Variants in FGGY observed in about 807,000 individuals in gnomAD.
FGGY encodes the protein FGGY carbohydrate kinase domain-containing protein.
FGGY carries 72 observed loss-of-function variants against 71.3 expected under a neutral mutation model. The observed-to-expected ratio is 1.01, with a 90% confidence interval of 0.84 to 1.23. FGGY has a LOEUF of 1.23. Among genes scored for constraint, FGGY ranks in the 50% most tolerant of loss-of-function variants. FGGY has a pLI of 0.00. For synonymous variants in FGGY, 251 were observed against 250.3 expected, an observed-to-expected ratio of 1.00 and a Z score of -0.02; for missense variants, 668 against 682.3, an observed-to-expected ratio of 0.98 and a Z score of 0.23.
chr1:59,607,291 G>A (rs2096632843), intron 8 of FGGY, among the ~76,000 whole-genome samples: 1 of 152,194 alleles, frequency 6.6e-6, no homozygotes, highest in Non-Finnish European at 1.5e-5. Context: ...TGTAGGGCAT[G>A]GTCTTGTGGC....
rs137903936 is a variant in FGGY at position 59,596,225 on chromosome 1, C to T, written c.904-11578C>T. Among the ~76,000 whole-genome samples, 1,500 of 151,518 alleles carry T rather than the reference C, an allele frequency of 9.9e-3. 11 individuals carry two copies. Among genetic ancestry groups the T allele is most frequent in the Non-Finnish European group, 0.017 (1,144 of 67,906 alleles). ...TTTTTTTAACATGAGGCTCACTTAA[C>T]ATTTTTAGAAAATGTTGAATATGGA... On this transcript the variant is annotated intron_variant, in intron 8 of 15. Coordinates refer to ENST00000303721, the MANE Select transcript of FGGY (RefSeq NM_018291.5).
intron 9 of FGGY, among the ~76,000 whole-genome samples, chr1:59,617,903 A>G (rs577284899): frequency 1.6e-4 from 25 of 152,238 alleles, no homozygotes; most frequent in African/African-American, 5.8e-4. Context: ...GTGAGTGTCT[A>G]TCTGCCTCCT....
intron 9 of FGGY, among the ~76,000 whole-genome samples, chr1:59,615,766 C>T (rs2096745766): frequency 6.6e-6 from 1 of 152,160 alleles, no homozygotes; most frequent in Non-Finnish European, 1.5e-5. Context: ...GGGCTAATAT[C>T]CAGAATCTAC....
At chr1:59,711,238 C>T (rs2097791680) in intron 14 of FGGY, among the ~76,000 whole-genome samples, 1 of 151,952 alleles carries the variant, frequency 6.6e-6, no homozygotes, top group African/African-American at 2.4e-5. Flanking sequence ...GGTAGTTGAA[C>T]AATGAGAACA....
intron 8 of FGGY, among the ~76,000 whole-genome samples, chr1:59,584,631 A>G (rs930652090): frequency 1.3e-5 from 2 of 150,038 alleles, no homozygotes; most frequent in Non-Finnish European, 2.9e-5. Context: ...GCCCTCTCTC[A>G]CCACTGCTAT....
At chr1:59,581,360 C>A (rs2096191811) in intron 8 of FGGY, among the ~76,000 whole-genome samples, 1 of 150,208 alleles carries the variant, frequency 6.7e-6, no homozygotes, top group African/African-American at 2.5e-5. Flanking sequence ...AATTATCTCA[C>A]AACTTCTTCT....
intron 5 of FGGY, among the ~76,000 whole-genome samples, chr1:59,449,394 C>G (rs2072103377): frequency 6.6e-6 from 1 of 152,186 alleles, no homozygotes; most frequent in South Asian, 2.1e-4. Context: ...AGCAATTCTC[C>G]TGCCTCAGCC....
intron 9 of FGGY, among the ~76,000 whole-genome samples, chr1:59,613,269 G>A (rs977512369): frequency 8.5e-5 from 13 of 152,190 alleles, no homozygotes; most frequent in African/African-American, 2.7e-4. Flanking sequence ...CTCAGCAAAT[G>A]TAAAGGACAG....
chr1:59,455,709 TAA>T (rs2091619657), intron 5 of FGGY, among the ~76,000 whole-genome samples: 1 of 152,184 alleles, frequency 6.6e-6, no homozygotes, highest in African/African-American at 2.4e-5. Flanking sequence ...CCCAGCATGA[TAA>T]GGGCTATGGT....
intron 6 of FGGY, among the ~76,000 whole-genome samples, chr1:59,458,958 C>T (rs1436267835): frequency 1.3e-5 from 2 of 152,174 alleles, no homozygotes; most frequent in Non-Finnish European, 2.9e-5. Context: ...TCTCAGAAGC[C>T]TCCCTATGAA....
chr1:59,715,708 A>C (rs1573596613), intron 14 of FGGY, among the ~76,000 whole-genome samples: 1 of 152,182 alleles, frequency 6.6e-6, no homozygotes, highest in East Asian at 1.9e-4. Context: ...CATTATATAC[A>C]CAACAGCCAA....
At chr1:59,601,903 C>T (rs914435363) in intron 8 of FGGY, among the ~76,000 whole-genome samples, 3 of 152,104 alleles carry the variant, frequency 2.0e-5, no homozygotes, top group Non-Finnish European at 4.4e-5. Flanking sequence ...TAATCTTGGC[C>T]ACAGGTTATG....
rs1168774780 is a variant in FGGY, at chr1:59,456,921, CA to C, written c.555-39del. 7 of 1,451,946 alleles carry C rather than the reference CA, an allele frequency of 4.8e-6. No individual in the cohort carries two copies. In the South Asian group the frequency reaches 8.1e-5, roughly 17 times the overall value. 89.9% of individuals were successfully genotyped at this position (1,451,946 alleles called of 1,614,324 possible). A position where few individuals can be genotyped will look rare whatever the true frequency, so the allele number is the denominator to read the frequency against. ...TGCAAAATATAAAGGAAGCCTCACT[CA>C]TATGGTCAGTTCTATCTATATCTCT... On this transcript the variant is annotated intron_variant, in intron 5 of 15. Coordinates refer to ENST00000303721, the MANE Select transcript of FGGY (RefSeq NM_018291.5).
intron 5 of FGGY, among the ~76,000 whole-genome samples, chr1:59,416,047 T>G (rs573613832): frequency 6.6e-6 from 1 of 152,338 alleles, no homozygotes; most frequent in Admixed American, 6.5e-5. Context: ...TAGGGTAGGA[T>G]CTGTACAACT....
At chr1:59,667,234 G>A in intron 12 of FGGY, 49 bp from the exon 13 acceptor site, 3 of 1,611,766 alleles carry the variant, frequency 1.9e-6, no homozygotes, top group Admixed American at 1.7e-5. Context: ...GTTCCCTAGT[G>A]TTTACTTTTG....
intron 5 of FGGY, among the ~76,000 whole-genome samples, chr1:59,402,031 C>G (rs993085350): frequency 6.6e-6 from 1 of 152,346 alleles, no homozygotes; most frequent in South Asian, 2.1e-4. Context: ...TTACCTCCCA[C>G]TAGGCTATAA....
At chr1:59,729,212 T>G (rs2100864070) in intron 14 of FGGY, among the ~76,000 whole-genome samples, 1 of 152,040 alleles carries the variant, frequency 6.6e-6, no homozygotes, top group East Asian at 1.9e-4. Context: ...ATTATTATTA[T>G]TATTAGGATT....
In FGGY at chr1:59,508,119, C is replaced by A. The variant is rs139699260; in HGVS notation, c.671-4192C>A. Among the ~76,000 whole-genome samples the A allele has an allele frequency of 1.1e-3, 175 of 152,302 alleles. 6 individuals carry two copies. The East Asian group carries it at 0.032, about 28-fold the overall frequency. On this transcript the variant is annotated intron_variant, in intron 6 of 15. Coordinates refer to ENST00000303721, the MANE Select transcript of FGGY (RefSeq NM_018291.5). ...TCTCCAACTTGCCTTTCCACACAGGCTTGAAAGTCATCTTCACCTTGAAGA... is the reference window on the plus strand; with the variant it reads ...TCTCCAACTTGCCTTTCCACACAGGATTGAAAGTCATCTTCACCTTGAAGA...
intron 5 of FGGY, among the ~76,000 whole-genome samples, chr1:59,404,851 C>T (rs775748054): frequency 6.6e-6 from 1 of 152,038 alleles, no homozygotes; most frequent in Non-Finnish European, 1.5e-5. Context: ...GTCTGGGTAC[C>T]GAGGTGGTGT....
Sources: gnomAD v4.1 joint callset for allele counts (sites outside exome capture counted in the v4.1 genomes callset) on GRCh38, gnomAD v4.1.1 for gene constraint, MANE v1.5 for transcripts, NCBI Gene and HGNC (gene_info 2026-07-23, HGNC 2026-07-21) for gene names.